Variants in COL4A2 observed in about 807,000 individuals in gnomAD.
The protein encoded by COL4A2 is collagen type IV alpha 2 chain, also known as collagen alpha-2(IV) chain.
Under a neutral mutation model 200.2 loss-of-function variants are expected in COL4A2, and 99 were observed. That is an observed-to-expected ratio of 0.49 (90% CI 0.42 to 0.58). COL4A2 has a LOEUF of 0.58. COL4A2 is among the 20% of genes least tolerant of loss of function. The pLI, the probability that COL4A2 is intolerant of heterozygous loss-of-function variation, is 0.00. For synonymous variants in COL4A2, 897 were observed against 900.6 expected (o/e 1.00, Z 0.07); for missense variants, 1,950 against 2,314.1 (o/e 0.84, Z 3.23).
At chr13:110,310,850 T>C (rs1884958028) in intron 3 of COL4A2, among the ~76,000 whole-genome samples, 1 of 152,212 alleles carries the variant, frequency 6.6e-6, no homozygotes, top group African/African-American at 2.4e-5. Context: ...GCAAGCACAC[T>C]GATGAGCTAG....
chr13:110,319,375 G>A (rs886946716), intron 3 of COL4A2, among the ~76,000 whole-genome samples: 2 of 152,140 alleles, frequency 1.3e-5, no homozygotes, highest in African/African-American at 4.8e-5. Context: ...AGAACAATTT[G>A]TTCAAATAAC....
At chr13:110,474,431 G>A (rs1296846056) in intron 29 of COL4A2, among the ~76,000 whole-genome samples, 1 of 152,186 alleles carries the variant, frequency 6.6e-6, no homozygotes, top group Non-Finnish European at 1.5e-5. Flanking sequence ...ACCCAGGACA[G>A]GGGAGTTTTG....
At chr13:110,504,359 G>C in intron 45 of COL4A2, 95 bp downstream of exon 45, 1 of 1,027,894 alleles carries the variant, frequency 9.7e-7, no homozygotes, top group East Asian at 2.4e-5. Context: ...CGAGAGCCCA[G>C]AAAAGCCAGA....
chr13:110,473,090 G>A lies in COL4A2; in HGVS notation c.2365G>A (p.Val789Met), dbSNP rs757171393. The change falls in exon 29 of 48, where the codon GTG (valine) becomes ATG (methionine). Residue 789 changes from valine (V) to methionine (M), a missense_variant. Physicochemically the swap from Val to Met is conservative, Grantham distance 21. This residue lies in a region of COL4A2 where 1,385 missense variants were observed against 1,720.5 expected (regional missense o/e 0.80). Transcript: ENST00000360467. ...GCCCGGGCCACGGGGAGATGCTGGT[G>A]TGCCTGGACAGCCTGGGCTTAAAGG... ...AQPGPRGDAG[V>M]PGQPGLKGLP... 1.3e-6 allele frequency: 2 copies of A among 1,553,768 alleles called. No homozygotes were observed. Among genetic ancestry groups the A allele is most frequent in the Non-Finnish European group, 1.7e-6 (2 of 1,149,634 alleles).
chr13:110,422,159 G>A (rs74124311), intron 4 of COL4A2, among the ~76,000 whole-genome samples: 2,466 of 152,272 alleles, frequency 0.016, 72 homozygotes, highest in African/African-American at 0.057. Context: ...ACAAACCGCA[G>A]GCCTCAACAT....
At chr13:110,491,073 A>G (rs1594105780) in intron 36 of COL4A2, among the ~76,000 whole-genome samples, 160 bp from the exon 37 acceptor site, 1 of 151,846 alleles carries the variant, frequency 6.6e-6, no homozygotes, top group Admixed American at 6.6e-5. Flanking sequence ...CAGAGGGAGG[A>G]AGTAGGTTAA....
intron 3 of COL4A2, among the ~76,000 whole-genome samples, chr13:110,310,074 T>C (rs1230597692): frequency 2.6e-5 from 4 of 152,214 alleles, no homozygotes; most frequent in Non-Finnish European, 5.9e-5. Flanking sequence ...CCAGTTTCCG[T>C]ACTCTGAAGA....
In COL4A2 at chr13:110,506,220, ACTCT is replaced by A. The variant is rs577134561; in HGVS notation, c.4403-187_4403-184del. ...TGCAGGTGCACCAGGCCGTCCACTC[ACTCT>A]CTCTCTCGGGCTGCAGGTACACCAG... is the stretch of plus-strand genomic sequence containing the variant. On this transcript the variant is annotated intron_variant, in intron 45 of 47. Coordinates refer to ENST00000360467, the MANE Select transcript of COL4A2 (RefSeq NM_001846.4). Among the ~76,000 whole-genome samples, 19 of 76,168 alleles carry A rather than the reference ACTCT, an allele frequency of 2.5e-4. No individual in the cohort carries two copies. The South Asian group carries it at 4.7e-3, about 19-fold the overall frequency. 50.0% of individuals were successfully genotyped at this position (76,168 alleles called of 152,430 possible).
chr13:110,438,181 A>G (rs1450020758), intron 14 of COL4A2, 144 bp downstream of exon 14: 5 of 663,266 alleles, frequency 7.5e-6, no homozygotes, highest in South Asian at 1.8e-5. Flanking sequence ...CAGTATTAGC[A>G]TGCATTTTTA....
At chr13:110,500,272 T>C (rs369559986) in intron 40 of COL4A2, among the ~76,000 whole-genome samples, 1 of 152,236 alleles carries the variant, frequency 6.6e-6, no homozygotes, top group African/African-American at 2.4e-5. Context: ...CAGCTCACTA[T>C]TTCCTGCAGA....
intron 33 of COL4A2, among the ~76,000 whole-genome samples, 173 bp downstream of exon 33, chr13:110,485,200 G>T (rs1180617691): frequency 1.3e-5 from 2 of 152,162 alleles, no homozygotes; most frequent in Non-Finnish European, 2.9e-5. Flanking sequence ...GTTCTCTGAT[G>T]CCTGAGTAAC....
At position 110,454,126 on chromosome 13, in the gene COL4A2, A is replaced by G. The variant is rs560864968; in HGVS notation, c.1340-3217A>G. On this transcript the variant is annotated intron_variant, in intron 20 of 47. Coordinates refer to ENST00000360467, the MANE Select transcript of COL4A2 (RefSeq NM_001846.4). Reference sequence around the variant, plus strand: ...CCCCCTGTTCTAGTTCAGTTAGCTGAATTGAGTTCTGGGAAGTTCTGTTCC... The same window carrying G: ...CCCCCTGTTCTAGTTCAGTTAGCTGGATTGAGTTCTGGGAAGTTCTGTTCC... Among the ~76,000 whole-genome samples, 12 of 152,326 alleles carry G rather than the reference A, an allele frequency of 7.9e-5. No individual in the cohort carries two copies. In the South Asian group the frequency reaches 2.5e-3, roughly 32 times the overall value.
In COL4A2 at chr13:110,307,981, C is replaced by T. The variant is rs754534801; in HGVS notation, c.44+34C>T. 1.2e-6 allele frequency: 2 copies of T among 1,611,996 alleles called. No homozygotes were observed. The highest frequency in any genetic ancestry group is 1.7e-6 in the Non-Finnish European group (2 of 1,179,148). ...CTTTCTGCCTGGTCCCCGTGGGTCA[C>T]GCGCGCATGGACCCTTCGGTGTAAC... is the stretch of plus-strand genomic sequence containing the variant. On this transcript the variant is annotated intron_variant, in intron 2 of 47. Transcript: ENST00000360467. The surrounding 1 kb of genome is among the most constrained non-coding windows in gnomAD (Gnocchi z 5.0).
intron 6 of COL4A2, among the ~76,000 whole-genome samples, chr13:110,427,239 A>G (rs776147146): frequency 6.6e-5 from 10 of 152,058 alleles, no homozygotes; most frequent in Non-Finnish European, 1.5e-4. Flanking sequence ...AACCTCTGCC[A>G]CCTGTGCTCA....
intron 3 of COL4A2, among the ~76,000 whole-genome samples, chr13:110,321,009 T>C (rs1254778995): frequency 6.6e-6 from 1 of 152,198 alleles, no homozygotes; most frequent in Non-Finnish European, 1.5e-5. Context: ...TTCTAAATAT[T>C]TCATGTGTTT....
chr13:110,448,718 T>A (rs368071133), intron 18 of COL4A2, among the ~76,000 whole-genome samples: 1 of 120,536 alleles, frequency 8.3e-6, no homozygotes, highest in South Asian at 2.8e-4. Flanking sequence ...TTTTATGGAA[T>A]CAACAATGGC....
intron 3 of COL4A2, among the ~76,000 whole-genome samples, chr13:110,348,536 T>G (rs778689133): frequency 8.5e-5 from 13 of 152,234 alleles, no homozygotes; most frequent in Non-Finnish European, 1.8e-4. Flanking sequence ...CTAATAGAAC[T>G]TTACTGAGAA....
chr13:110,430,824 C>G (rs1260572362), intron 10 of COL4A2: 1 of 794,136 alleles, frequency 1.3e-6, no homozygotes, highest in Non-Finnish European at 2.2e-6. Flanking sequence ...GTCACCAGCT[C>G]TCTGCCAGTT....
chr13:110,307,816 C>A lies in COL4A2; in HGVS notation c.-44-44C>A. ...CGAGACCGGCGGTGAGGATGGGCTG[C>A]CTCCCTCATCCTGCGCTAAACTCGC... On this transcript the variant is annotated intron_variant, in intron 1 of 47. Transcript: ENST00000360467. The surrounding 1 kb of genome is among the most constrained non-coding windows in gnomAD (Gnocchi z 5.0). 6.7e-7 allele frequency: 1 copy of A among 1,484,314 alleles called. No homozygotes were observed. Among genetic ancestry groups the A allele is most frequent in the Non-Finnish European group, 9.1e-7 (1 of 1,101,200 alleles). The allele number at this position is 1,484,314 out of a possible 1,614,324, so 91.9% of individuals were successfully genotyped here. A position where few individuals can be genotyped will look rare whatever the true frequency, so the allele number is the denominator to read the frequency against.
Sources: allele counts gnomAD v4.1 joint callset (sites outside exome capture counted in the v4.1 genomes callset), GRCh38; gene constraint gnomAD v4.1.1; regional missense constraint gnomAD v4.1.1; non-coding constraint Gnocchi (gnomAD v3.1); transcripts MANE v1.5; gene names NCBI Gene and HGNC (gene_info 2026-07-23, HGNC 2026-07-21).